KIF15: variants seen among roughly 807,000 people sequenced by gnomAD.
The protein encoded by KIF15 is kinesin-like protein KIF15.
Under a neutral mutation model 190.6 loss-of-function variants are expected in KIF15, and 140 were observed. That is an observed-to-expected ratio of 0.73 (90% CI 0.64 to 0.84). KIF15 has a LOEUF of 0.84. KIF15 is among the 40% of genes least tolerant of loss of function. The probability of loss-of-function intolerance (pLI) is 0.00; values close to 1 mark genes in which losing one functional copy is unlikely to be tolerated. For missense variants in KIF15, 1,372 were observed against 1,584.4 expected (o/e 0.87, Z 2.28); for synonymous variants, 528 against 551.3 (o/e 0.96, Z 0.59).
intron 6 of KIF15, among the ~76,000 whole-genome samples, chr3:44,864,655 G>A (rs2125740347): frequency 6.6e-6 from 1 of 152,218 alleles, no homozygotes; most frequent in South Asian, 2.1e-4. Context: ...TGTACTCAAG[G>A]CTCCATGGCA....
intron 1 of KIF15, among the ~76,000 whole-genome samples, chr3:44,768,989 A>G (rs1313229744): frequency 3.9e-5 from 6 of 152,218 alleles, no homozygotes; most frequent in Non-Finnish European, 8.8e-5. Context: ...GAGGGAGGCC[A>G]AAAGCCTGAT....
rs1317967149 is a variant in KIF15 at position 44,786,494 on chromosome 3, T to G, written c.559T>G (p.Leu187Val). ...GGACTCTGCATCGGCTGGACTGTACTTAAGGGAGCATATCAAGAAGGGAGT... is the reference window on the plus strand; with the variant it reads ...GGACTCTGCATCGGCTGGACTGTACGTAAGGGAGCATATCAAGAAGGGAGT... ...LLDSASAGLYLREHIKKGVFV... is the reference protein window; with the variant it reads ...LLDSASAGLYVREHIKKGVFV... Residue 187 changes from leucine (L) to valine (V), a missense_variant, in exon 7 of 35, where the codon TTA becomes GTA. By Grantham distance (32) the Leu-to-Val change is conservative. Coordinates refer to ENST00000326047, the MANE Select transcript of KIF15 (RefSeq NM_020242.3). 6.2e-7 allele frequency: 1 copy of G among 1,613,772 alleles called. No individual in the cohort carries two copies. Among genetic ancestry groups the G allele is most frequent in the African/African-American group, 1.3e-5 (1 of 74,904 alleles).
chr3:44,815,575 C>T (rs1458064868), intron 20 of KIF15, among the ~76,000 whole-genome samples: 1 of 152,154 alleles, frequency 6.6e-6, no homozygotes, highest in African/African-American at 2.4e-5. Context: ...AAGGTGTGCT[C>T]TTACTAGAAG....
At chr3:44,850,452 C>T (rs1424831408) in intron 32 of KIF15, among the ~76,000 whole-genome samples, 1 of 152,162 alleles carries the variant, frequency 6.6e-6, no homozygotes, top group Non-Finnish European at 1.5e-5. Context: ...AGCTATTTAA[C>T]TTGGTGTATA....
Position 44,784,902 on chromosome 3 carries a change from T to G in KIF15, c.419T>G (p.Phe140Cys). The change falls in exon 6 of 35, where the codon TTT becomes TGT. Residue 140 changes from phenylalanine to cysteine, a missense_variant. By Grantham distance (205) the Phe-to-Cys change is radical. Coordinates refer to ENST00000326047, the MANE Select transcript of KIF15 (RefSeq NM_020242.3). The part of the protein sequence containing the change: ...HNLRGVIPRS[F>C]EYLFSLIDRE... ...CTGAGAGGAGTAATCCCACGAAGTT[T>G]TGAATATTTGTTTTCCTTAATTGAT... 6.3e-7 allele frequency: 1 copy of G among 1,585,604 alleles called. No individual in the cohort carries two copies. Among genetic ancestry groups the G allele is most frequent in the South Asian group, 1.1e-5 (1 of 87,560 alleles).
At chr3:44,859,658 C>CA (rs1699219618) in intron 6 of KIF15, among the ~76,000 whole-genome samples, 1 of 152,128 alleles carries the variant, frequency 6.6e-6, no homozygotes, top group Admixed American at 6.5e-5. Flanking sequence ...GACCCTGTCT[C>CA]AAAAAATACA....
At position 44,778,805 on chromosome 3, in the gene KIF15, C is replaced by T. The variant is rs1575583646; in HGVS notation, c.323+614C>T. Among the ~76,000 whole-genome samples the T allele has an allele frequency of 3.3e-5, 5 of 151,234 alleles. No individual in the cohort carries two copies. The East Asian group carries it at 9.8e-4, about 30-fold the overall frequency. ...ACCAGTCAGGCCAACATGGTGAGAC[C>T]CCCGTCTCTACTAAAAATACAAAAA... On this transcript the variant is annotated intron_variant, in intron 4 of 34. Transcript: ENST00000326047.
intron 1 of KIF15, among the ~76,000 whole-genome samples, chr3:44,769,779 G>A (rs969191554): frequency 6.6e-6 from 1 of 152,134 alleles, no homozygotes; most frequent in African/African-American, 2.4e-5. Context: ...GAATGCTAAG[G>A]TGAAGCTGTG....
rs577025198 is a variant in KIF15 at position 44,770,044 on chromosome 3, T to C, written c.20-4351T>C. On this transcript the variant is annotated intron_variant, in intron 1 of 34. Coordinates refer to ENST00000326047, the MANE Select transcript of KIF15 (RefSeq NM_020242.3). ...TTTTTACATTACCCATCCCCCTTTG[T>C]TCCTTCTGGGCTGTAGTTGGAGATC... Among the ~76,000 whole-genome samples, 26 of 152,348 alleles carry C rather than the reference T, an allele frequency of 1.7e-4. No individual in the cohort carries two copies. In the South Asian group the frequency reaches 4.8e-3, roughly 28 times the overall value.
In KIF15 at chr3:44,761,912, C is replaced by T. The variant is rs760570339; in HGVS notation, c.19+28C>T. 1.9e-6 allele frequency: 3 copies of T among 1,614,144 alleles called. No homozygotes were observed. In the South Asian group the frequency reaches 3.3e-5, roughly 18 times the overall value. On this transcript the variant is annotated intron_variant, in intron 1 of 34. Transcript: ENST00000326047. ...AAGTCTGGGCCCCCGGCTTCGTTACCCTATTTTTGCCCCCAAATACAGCTG... is the reference window on the plus strand; with the variant it reads ...AAGTCTGGGCCCCCGGCTTCGTTACTCTATTTTTGCCCCCAAATACAGCTG...
chr3:44,818,673 A>G (rs1223206238), intron 20 of KIF15, among the ~76,000 whole-genome samples: 2 of 152,124 alleles, frequency 1.3e-5, no homozygotes, highest in Admixed American at 6.5e-5. Context: ...TTTTGCATCG[A>G]TGTTCATCAG....
At chr3:44,782,691 A>G (rs959883653) in intron 5 of KIF15, among the ~76,000 whole-genome samples, 1 of 152,354 alleles carries the variant, frequency 6.6e-6, no homozygotes, top group Non-Finnish European at 1.5e-5. Context: ...TGGGTCAGGA[A>G]AGACCTCTCA....
rs1217109848 is a variant in KIF15, at chr3:44,840,436, T to C, written c.3400T>C (p.Ser1134Pro). The C allele has an allele frequency of 4.4e-6, 7 of 1,602,422 alleles. No homozygotes were observed. Among genetic ancestry groups the C allele is most frequent in the Non-Finnish European group, 6.0e-6 (7 of 1,171,294 alleles). The change falls in exon 28 of 35, where the codon TCT becomes CCT. Residue 1134 changes from serine (S) to proline (P), a missense_variant. Coordinates refer to ENST00000326047, the MANE Select transcript of KIF15 (RefSeq NM_020242.3). Reference sequence around the variant, plus strand: ...GAGGCAACTAGAACATGTGATGGATTCTGCTGCTGAGGATCCCCAGGTACT... The same window carrying C: ...GAGGCAACTAGAACATGTGATGGATCCTGCTGCTGAGGATCCCCAGGTACT... Reference protein sequence around the residue: ...KMRQLEHVMDSAAEDPQSPKT... With the variant: ...KMRQLEHVMDPAAEDPQSPKT...
chr3:44,764,758 T>C (rs1705310823), intron 1 of KIF15, among the ~76,000 whole-genome samples: 2 of 152,088 alleles, frequency 1.3e-5, no homozygotes, highest in Non-Finnish European at 1.5e-5. Context: ...TGCCTCAGCC[T>C]CCTGAGTAGC....
chr3:44,799,281 C>A, intron 10 of KIF15: 1 of 456,738 alleles, frequency 2.2e-6, no homozygotes, highest in South Asian at 1.5e-5. Context: ...TTCTACTAGT[C>A]ACTCTCAATG....
In KIF15 at chr3:44,801,470, A is replaced by G; in HGVS notation, c.1243A>G (p.Met415Val). Reference sequence around the variant, plus strand: ...TACAGACAAAAAGAAGACTAACTATATGGAGTATTTCCAGGAAGCAATGTT... The same window carrying G: ...TACAGACAAAAAGAAGACTAACTATGTGGAGTATTTCCAGGAAGCAATGTT... ...LTRDKKKTNY[M>V]EYFQEAMLFF... is the part of the protein sequence containing the mutation. The change falls in exon 12 of 35, where the codon ATG becomes GTG. Residue 415 changes from methionine to valine, a missense_variant. Transcript: ENST00000326047. 6.4e-7 allele frequency: 1 copy of G among 1,572,974 alleles called. No homozygotes were observed. The highest frequency in any genetic ancestry group is 1.1e-5 in the South Asian group (1 of 89,640).
At chr3:44,849,070 A>G (rs1483824252) in intron 32 of KIF15, among the ~76,000 whole-genome samples, 1 of 152,234 alleles carries the variant, frequency 6.6e-6, no homozygotes, top group Non-Finnish European at 1.5e-5. Context: ...TGTAAAATTC[A>G]AACTAAGTAA....
At chr3:44,822,121 A>C (rs141009562) in intron 20 of KIF15, among the ~76,000 whole-genome samples, 1 of 152,250 alleles carries the variant, frequency 6.6e-6, no homozygotes, top group African/African-American at 2.4e-5. Context: ...ACAATTTGGC[A>C]TGTTTTTGCA....
At chr3:44,812,488 T>A (rs1707830065) in intron 18 of KIF15, among the ~76,000 whole-genome samples, 199 bp downstream of exon 18, 1 of 152,226 alleles carries the variant, frequency 6.6e-6, no homozygotes, top group African/African-American at 2.4e-5. Flanking sequence ...CTTAGCATGC[T>A]GCTCTGATAA....
Sources: gnomAD v4.1 joint callset for allele counts (sites outside exome capture counted in the v4.1 genomes callset) on GRCh38, gnomAD v4.1.1 for gene constraint, MANE v1.5 for transcripts, NCBI Gene and HGNC (gene_info 2026-07-23, HGNC 2026-07-21) for gene names.